TRPV1: variants seen among roughly 807,000 people sequenced by gnomAD.
The protein encoded by TRPV1 is transient receptor potential cation channel subfamily V member 1.
In TRPV1, 82 loss-of-function variants were observed where a neutral mutation model predicts 82.3. That is an observed-to-expected ratio of 1.00 (90% CI 0.83 to 1.20). The LOEUF (loss-of-function observed/expected upper bound fraction) is 1.20, where lower values mean the gene tolerates loss of function less well. TRPV1 is among the 50% of genes most tolerant of loss of function. TRPV1 has a pLI of 0.00. For synonymous variants in TRPV1, 515 were observed against 467.7 expected (o/e 1.10, Z -1.30); for missense variants, 1,067 against 1,096.8 (o/e 0.97, Z 0.38).
intron 11 of TRPV1, among the ~76,000 whole-genome samples, chr17:3,579,031 G>A (rs1322172606): frequency 1.3e-5 from 2 of 152,054 alleles, no homozygotes; most frequent in African/African-American, 4.8e-5. Context: ...CAAAAGTGGG[G>A]AAGCCGGGAG....
At chr17:3,588,390 C>T (rs1247884155) in intron 7 of TRPV1, 23 bp from the exon 8 acceptor site, 3 of 1,547,948 alleles carry the variant, frequency 1.9e-6, no homozygotes, top group Non-Finnish European at 2.6e-6. Context: ...AGCAAGAGCC[C>T]GTCAGAGGCC....
chr17:3,583,967 T>G (rs1452691110), intron 9 of TRPV1, among the ~76,000 whole-genome samples: 2 of 152,150 alleles, frequency 1.3e-5, no homozygotes, highest in African/African-American at 4.8e-5. Context: ...CCAGCACATT[T>G]TTCTCTTAAA....
intron 10 of TRPV1, 107 bp from the exon 11 acceptor site, chr17:3,580,634 T>TG: frequency 1.7e-6 from 2 of 1,165,348 alleles, no homozygotes; most frequent in South Asian, 2.5e-5. Flanking sequence ...GTCGAATGTG[T>TG]GAAAGCACAG....
intron 13 of TRPV1, 134 bp downstream of exon 13, chr17:3,576,992 T>C (rs2150832006): frequency 1.2e-6 from 1 of 854,682 alleles, no homozygotes; most frequent in South Asian, 1.8e-5. Flanking sequence ...GTGTGTCCTC[T>C]GTCCACCCTC....
intron 13 of TRPV1, among the ~76,000 whole-genome samples, chr17:3,574,511 T>C (rs1010384965): frequency 3.3e-5 from 5 of 152,178 alleles, no homozygotes; most frequent in Non-Finnish European, 5.9e-5. Flanking sequence ...CCACACCTAT[T>C]AGGTCTCTCT....
chr17:3,567,416 GAA>G (rs1322325929), intron 16 of TRPV1, among the ~76,000 whole-genome samples: 1 of 141,440 alleles, frequency 7.1e-6, no homozygotes, highest in African/African-American at 2.6e-5. Flanking sequence ...AAGAAAGAAA[GAA>G]AAAACGAGGC....
chr17:3,573,600 G>A lies in TRPV1; in HGVS notation c.2103+33C>T, dbSNP rs199754898. 6.9e-5 allele frequency: 86 copies of A among 1,241,414 alleles called. No individual in the cohort carries two copies. The East Asian group carries it at 3.2e-3, about 46-fold the overall frequency. 76.9% of individuals were successfully genotyped at this position (1,241,414 alleles called of 1,614,324 possible). A position where few individuals can be genotyped will look rare whatever the true frequency, so the allele number is the denominator to read the frequency against. On this transcript the variant is annotated intron_variant, in intron 14 of 16. Transcript: ENST00000572705. ...AGACAGAGCCGCCCACACTCTCCGC[G>A]CCACTCACCACCCCCCAACTCCACC...
In TRPV1 at chr17:3,576,671, ATAT is replaced by A. The variant is rs1477538988; in HGVS notation, c.1780+452_1780+454del. 5.3e-5 allele frequency among the ~76,000 whole-genome samples: 5 copies of A among 95,230 alleles called. No homozygotes were observed. The South Asian group carries it at 1.1e-3, about 21-fold the overall frequency. The allele number at this position is 95,230 out of a possible 152,430, so 62.5% of individuals were successfully genotyped here. On this transcript the variant is annotated intron_variant, in intron 13 of 16. Coordinates refer to ENST00000572705, the MANE Select transcript of TRPV1 (RefSeq NM_080704.4). Reference sequence around the variant, plus strand: ...TGTATGAGAAAAAAAAAAAAAAAATATATATATATATATATATATGCATAAAAA... The same window carrying A: ...TGTATGAGAAAAAAAAAAAAAAAATAATATATATATATATATGCATAAAAA...
chr17:3,574,101 A>T (rs145606173), intron 13 of TRPV1, 146 bp from the exon 14 acceptor site: 40 of 680,490 alleles, frequency 5.9e-5, no homozygotes, highest in East Asian at 1.9e-4. Flanking sequence ...TATCAAAAAA[A>T]TTTTCATAGT....
intron 11 of TRPV1, among the ~76,000 whole-genome samples, chr17:3,580,252 G>T (rs1453883371): frequency 2.0e-5 from 3 of 152,196 alleles, no homozygotes; most frequent in Non-Finnish European, 4.4e-5. Flanking sequence ...AGTCACGGCA[G>T]TTTCTCGATC....
At chr17:3,591,592 C>G (rs562972279) in intron 3 of TRPV1, among the ~76,000 whole-genome samples, 2 of 152,344 alleles carry the variant, frequency 1.3e-5, no homozygotes, top group East Asian at 1.9e-4. Flanking sequence ...GAAAGTCACC[C>G]TCCTACTCCC....
Position 3,584,402 on chromosome 17 carries a change from C to CAAAAAAAAAA in TRPV1, c.1384-982_1384-973dup, listed in dbSNP as rs1447579699. Among the ~76,000 whole-genome samples the CAAAAAAAAAA allele has an allele frequency of 3.2e-3, 53 of 16,766 alleles. 10 individuals carry two copies. The highest frequency in any genetic ancestry group is 0.071 in the Middle Eastern group (2 of 28). The allele number at this position is 16,766 out of a possible 152,430, so 11.0% of individuals were successfully genotyped here. ...TGGAAAACAGAGAGAGACTCTGTCT[C>CAAAAAAAAAA]AAAAAAAAAAAAAATAAAATAAAAA... On this transcript the variant is annotated intron_variant, in intron 9 of 16. Coordinates refer to ENST00000572705, the MANE Select transcript of TRPV1 (RefSeq NM_080704.4).
At chr17:3,579,653 T>A (rs568643754) in intron 11 of TRPV1, among the ~76,000 whole-genome samples, 1 of 152,228 alleles carries the variant, frequency 6.6e-6, no homozygotes, top group East Asian at 1.9e-4. Flanking sequence ...TTTTTGTATT[T>A]TTAGTAGAGA....
intron 14 of TRPV1, 68 bp downstream of exon 14, chr17:3,573,565 G>A: frequency 3.8e-6 from 1 of 264,710 alleles, no homozygotes; most frequent in Non-Finnish European, 5.8e-6. Context: ...AGCCAGCTGT[G>A]TAAGACAGCA....
intron 10 of TRPV1, among the ~76,000 whole-genome samples, chr17:3,580,754 C>T (rs533322878): frequency 1.1e-3 from 173 of 152,330 alleles, no homozygotes; most frequent in African/African-American, 3.9e-3. Context: ...TGGTGGCTCA[C>T]GCCTGTCATC....
chr17:3,566,770 G>A lies in TRPV1; in HGVS notation c.*45C>T, dbSNP rs201768823. On this transcript the variant is annotated 3_prime_UTR_variant, in exon 17 of 17. Coordinates refer to ENST00000572705, the MANE Select transcript of TRPV1 (RefSeq NM_080704.4). ...CCTCAGCAGCCCCCCGTGGCAACGG[G>A]GTCTCCTAAGGCCCAGTGTTGACAG... is the stretch of plus-strand genomic sequence containing the variant. The A allele has an allele frequency of 1.3e-6, 2 of 1,592,438 alleles. No individual in the cohort carries two copies. Among genetic ancestry groups the A allele is most frequent in the Non-Finnish European group, 1.7e-6 (2 of 1,167,702 alleles).
intron 2 of TRPV1, chr17:3,592,956 G>C (rs55866627): frequency 2.0e-5 from 3 of 152,866 alleles, no homozygotes; most frequent in South Asian, 4.1e-4. Context: ...CCAGGTGCCC[G>C]GCCTGCCTTT....
In TRPV1 at chr17:3,566,854, A is replaced by G; in HGVS notation, c.2481T>C (p.Ala827=). 6.2e-7 allele frequency: 1 copy of G among 1,613,992 alleles called. No individual in the cohort carries two copies. The highest frequency in any genetic ancestry group is 8.5e-7 in the Non-Finnish European group (1 of 1,179,880). ...AAGCGGCAGGACTCTTGAAGACCTC[A>G]GCGTCCTCTGGCTTCAGAGACCCTG... ...QFSGSLKPED[A]EVFKSPAASG... Residue 827 remains alanine (A), a synonymous_variant, in exon 17 of 17, where the codon GCT becomes GCC. Transcript: ENST00000572705.
At chr17:3,585,487 A>G (rs2075072718) in intron 9 of TRPV1, 1 of 375,582 alleles carries the variant, frequency 2.7e-6, no homozygotes, top group East Asian at 5.1e-5. Context: ...CCCGTCTACA[A>G]TCAGGGACCT....
Sources: gnomAD v4.1 joint callset for allele counts (sites outside exome capture counted in the v4.1 genomes callset) on GRCh38, gnomAD v4.1.1 for gene constraint, MANE v1.5 for transcripts, NCBI Gene and HGNC (gene_info 2026-07-23, HGNC 2026-07-21) for gene names.